WDR25: variants seen among roughly 807,000 people sequenced by gnomAD.
WDR25 encodes WD repeat-containing protein 25.
A neutral mutation model predicts 47.7 loss-of-function variants in WDR25; 35 were observed. That is an observed-to-expected ratio of 0.73 (90% confidence interval 0.56 to 0.97). WDR25 has a LOEUF of 0.97. Ranked by LOEUF, WDR25 falls within the 50% of genes least tolerant of loss-of-function variation. The pLI is 0.00. For missense variants in WDR25, 634 were observed against 704.7 expected, an observed-to-expected ratio of 0.90 and a Z score of 1.14; for synonymous variants, 248 against 278.9, an observed-to-expected ratio of 0.89 and a Z score of 1.10.
At chr14:100,486,918 A>G (rs112951393) in intron 4 of WDR25, among the ~76,000 whole-genome samples, 138 of 152,324 alleles carry the variant, frequency 9.1e-4, no homozygotes, top group South Asian at 2.5e-3. Flanking sequence ...ATTCAGGTAA[A>G]GAGAGGAGGG....
At chr14:100,512,449 T>C (rs1901341050) in intron 4 of WDR25, among the ~76,000 whole-genome samples, 1 of 152,200 alleles carries the variant, frequency 6.6e-6, no homozygotes, top group Admixed American at 6.5e-5. Flanking sequence ...CTCATTTCTC[T>C]CAGTGCTGAT....
In WDR25 at chr14:100,506,063, G is replaced by A. The variant is rs144892522; in HGVS notation, c.1102-19807G>A. ...ACAGTTAGTTTTTCAACCCTTGCCC[G>A]CTCCCTCCCTCCACCCTCTAGACCA... On this transcript the variant is annotated intron_variant, in intron 4 of 6. Transcript: ENST00000402312. The surrounding 1 kb of genome is among the most constrained non-coding windows in gnomAD (Gnocchi z 4.8). 2.0e-3 allele frequency among the ~76,000 whole-genome samples: 302 copies of A among 152,122 alleles called. 1 individual carries two copies. Among genetic ancestry groups the A allele is most frequent in the African/African-American group, 6.6e-3 (273 of 41,512 alleles).
intron 2 of WDR25, among the ~76,000 whole-genome samples, chr14:100,400,132 C>T (rs1332475104): frequency 6.6e-6 from 1 of 152,194 alleles, no homozygotes. Context: ...TGCTGTGGGG[C>T]ACCAGGAGTG....
intron 2 of WDR25, among the ~76,000 whole-genome samples, chr14:100,397,479 A>G (rs1489167529): frequency 6.6e-6 from 1 of 152,180 alleles, no homozygotes; most frequent in Non-Finnish European, 1.5e-5. Context: ...GGTGCTAGGG[A>G]TGGGAGTGTG....
At chr14:100,436,692 C>A (rs1376923645) in intron 2 of WDR25, among the ~76,000 whole-genome samples, 1 of 152,160 alleles carries the variant, frequency 6.6e-6, no homozygotes, top group Non-Finnish European at 1.5e-5. Context: ...GTGTGTCAGT[C>A]TCCTGTGTAG....
intron 4 of WDR25, among the ~76,000 whole-genome samples, chr14:100,519,796 A>G (rs143388737): frequency 0.072 from 9,941 of 138,692 alleles, 1,250 homozygotes; most frequent in African/African-American, 0.25. Context: ...ACTATACTAT[A>G]TGTATATATG....
intron 5 of WDR25, among the ~76,000 whole-genome samples, chr14:100,528,412 G>A (rs1203331520): frequency 2.0e-5 from 3 of 149,718 alleles, no homozygotes; most frequent in East Asian, 2.0e-4. Context: ...ACATCTCTGC[G>A]CCTTCCCTTT....
In WDR25 at chr14:100,430,151, GGT is replaced by G. The variant is rs59318813; in HGVS notation, c.823-37837_823-37836del. ...CAAATCTTGCAGACCAAGGGGGCCT[GGT>G]GTGTGTGTGTGTGTGTGTGTGTGTG... is the stretch of plus-strand genomic sequence containing the variant. On this transcript the variant is annotated intron_variant, in intron 2 of 6. Coordinates refer to ENST00000402312, the MANE Select transcript of WDR25 (RefSeq NM_001161476.3). This position sits in a 1 kb window ranked among gnomAD's most constrained non-coding sequence, Gnocchi z 4.7. Among the ~76,000 whole-genome samples the G allele has an allele frequency of 0.3, 43,674 of 146,628 alleles. 6,609 individuals carry two copies. The highest frequency in any genetic ancestry group is 0.47 in the Admixed American group (6,944 of 14,812).
rs1386561509 is a variant in WDR25, at chr14:100,440,427, C to T, written c.823-27594C>T. Among the ~76,000 whole-genome samples, 4 of 152,360 alleles carry T rather than the reference C, an allele frequency of 2.6e-5. No homozygotes were observed. Among genetic ancestry groups the T allele is most frequent in the Admixed American group, 1.3e-4 (2 of 15,308 alleles). The stretch of plus-strand genomic sequence containing the variant: ...GGCATGCCACTTAGTCTGTTCTGAG[C>T]GGCTGTTTACAGGCGGATAGAAAGG... On this transcript the variant is annotated intron_variant, in intron 2 of 6. Coordinates refer to ENST00000402312, the MANE Select transcript of WDR25 (RefSeq NM_001161476.3). This position sits in a 1 kb window ranked among gnomAD's most constrained non-coding sequence, Gnocchi z 4.4.
intron 2 of WDR25, among the ~76,000 whole-genome samples, chr14:100,402,906 C>A (rs1264068730): frequency 1.3e-5 from 2 of 152,082 alleles, no homozygotes; most frequent in East Asian, 3.9e-4. Flanking sequence ...CCAGCCAGCA[C>A]TTAGGGAGAT....
At position 100,392,420 on chromosome 14, in the gene WDR25, C is replaced by T. The variant is rs1399494905; in HGVS notation, c.822+10674C>T. ...TGATGAAAACGTGATCCCAGGGGTCCAAGCCTCTGTCACCCTCTTGCCCCT... is the reference window on the plus strand; with the variant it reads ...TGATGAAAACGTGATCCCAGGGGTCTAAGCCTCTGTCACCCTCTTGCCCCT... On this transcript the variant is annotated intron_variant, in intron 2 of 6. Coordinates refer to ENST00000402312, the MANE Select transcript of WDR25 (RefSeq NM_001161476.3). This position sits in a 1 kb window ranked among gnomAD's most constrained non-coding sequence, Gnocchi z 4.2. Among the ~76,000 whole-genome samples the T allele has an allele frequency of 7.9e-5, 12 of 151,780 alleles. No individual in the cohort carries two copies. The highest frequency in any genetic ancestry group is 7.9e-4 in the Admixed American group (12 of 15,222).
intron 2 of WDR25, among the ~76,000 whole-genome samples, chr14:100,413,998 ATT>A (rs34471579): frequency 3.1e-4 from 43 of 140,232 alleles, no homozygotes; most frequent in African/African-American, 3.4e-4. Flanking sequence ...GAGGTAGTTC[ATT>A]TTTTTTTTTT....
intron 4 of WDR25, among the ~76,000 whole-genome samples, chr14:100,491,835 C>G (rs1360203927): frequency 6.6e-6 from 1 of 152,172 alleles, no homozygotes; most frequent in African/African-American, 2.4e-5. Flanking sequence ...TTCTGAGGGA[C>G]CACAGCCCTG....
At chr14:100,411,781 T>A (rs1390319658) in intron 2 of WDR25, among the ~76,000 whole-genome samples, 1 of 152,118 alleles carries the variant, frequency 6.6e-6, no homozygotes, top group African/African-American at 2.4e-5. Context: ...GGTGATCCAC[T>A]CACCTTGGCC....
intron 2 of WDR25, among the ~76,000 whole-genome samples, chr14:100,435,893 G>A (rs943771590): frequency 7.2e-5 from 11 of 152,170 alleles, no homozygotes; most frequent in African/African-American, 9.7e-5. Context: ...GAAGAGTGAC[G>A]CCTAAGTGTG....
At chr14:100,412,643 T>A (rs534737900) in intron 2 of WDR25, among the ~76,000 whole-genome samples, 1 of 152,344 alleles carries the variant, frequency 6.6e-6, no homozygotes, top group African/African-American at 2.4e-5. Context: ...TTCAGTTGTG[T>A]TTTTAATCTT....
chr14:100,479,311 C>T (rs138327574), intron 3 of WDR25, among the ~76,000 whole-genome samples: 111 of 152,170 alleles, frequency 7.3e-4, no homozygotes, highest in African/African-American at 2.5e-3. Flanking sequence ...GGTCATATCA[C>T]GGTTGGTTTC....
At chr14:100,505,229 G>A (rs59203837) in intron 4 of WDR25, among the ~76,000 whole-genome samples, 10,507 of 152,102 alleles carry the variant, frequency 0.069, 1,185 homozygotes, top group African/African-American at 0.24. Flanking sequence ...TTTATTCAGG[G>A]CTATGGTATA....
intron 2 of WDR25, among the ~76,000 whole-genome samples, chr14:100,436,309 C>T (rs1243594296): frequency 1.3e-5 from 2 of 152,208 alleles, no homozygotes; most frequent in Non-Finnish European, 2.9e-5. Context: ...CTGGGCCCGC[C>T]TTTTCACCAC....
Sources: gnomAD v4.1 joint callset for allele counts (sites outside exome capture counted in the v4.1 genomes callset) on GRCh38, gnomAD v4.1.1 for gene constraint, Gnocchi (gnomAD v3.1) non-coding constraint, MANE v1.5 for transcripts, NCBI Gene and HGNC (gene_info 2026-07-23, HGNC 2026-07-21) for gene names.